MITF: variants seen among roughly 807,000 people sequenced by gnomAD.
MITF encodes melanocyte inducing transcription factor.
MITF carries 17 observed loss-of-function variants against 60.5 expected under a neutral mutation model. That is an observed-to-expected ratio of 0.28 (90% CI 0.19 to 0.42). The LOEUF (loss-of-function observed/expected upper bound fraction) is 0.42. MITF is among the 10% of genes least tolerant of loss of function. MITF has a pLI of 1.00. For synonymous variants in MITF, 260 were observed against 248.5 expected, an observed-to-expected ratio of 1.05 and a Z score of -0.43; for missense variants, 622 against 683.5, an observed-to-expected ratio of 0.91 and a Z score of 1.00.
Position 69,832,948 on chromosome 3 carries a change from G to A in MITF, c.105-46186G>A, listed in dbSNP as rs552391737. Among the ~76,000 whole-genome samples the A allele has an allele frequency of 4.3e-4, 65 of 151,474 alleles. 1 individual carries two copies. The South Asian group carries it at 0.014, about 32-fold the overall frequency. On this transcript the variant is annotated intron_variant, in intron 1 of 9. Coordinates refer to ENST00000352241, the MANE Select transcript of MITF (RefSeq NM_001354604.2). The stretch of plus-strand genomic sequence containing the variant: ...TATATACCTGGTTAGACTGTATGTA[G>A]TTGTTTCTCTGTTTGCACTGTATGT...
At chr3:69,821,624 G>A (rs1529583) in intron 1 of MITF, among the ~76,000 whole-genome samples, 49,015 of 139,028 alleles carry the variant, frequency 0.35, 9,157 homozygotes, top group Non-Finnish European at 0.43. Context: ...AAACTCATAA[G>A]TAGATAACCA....
intron 1 of MITF, among the ~76,000 whole-genome samples, chr3:69,796,652 G>T (rs549930565): frequency 1.3e-5 from 2 of 151,330 alleles, no homozygotes; most frequent in African/African-American, 4.9e-5. Context: ...GACTACAGGC[G>T]CCCGCCACCG....
chr3:69,957,038 G>A (rs773253535), intron 8 of MITF, among the ~76,000 whole-genome samples: 9 of 152,008 alleles, frequency 5.9e-5, no homozygotes, highest in African/African-American at 9.7e-5. Flanking sequence ...CCATTGTAGG[G>A]GAAAAAAAGT....
intron 8 of MITF, among the ~76,000 whole-genome samples, chr3:69,957,409 G>C (rs767957040): frequency 2.0e-5 from 3 of 152,144 alleles, no homozygotes; most frequent in Middle Eastern, 3.2e-3. Flanking sequence ...TCACGTTACT[G>C]TTAGAGGATT....
At chr3:69,950,744 G>T (rs1301489650) in intron 6 of MITF, among the ~76,000 whole-genome samples, 1 of 151,684 alleles carries the variant, frequency 6.6e-6, no homozygotes. Context: ...CTTCTGAAAA[G>T]GAAATAACAG....
intron 1 of MITF, among the ~76,000 whole-genome samples, chr3:69,741,897 G>C (rs936108137): frequency 9.2e-5 from 14 of 152,150 alleles, no homozygotes; most frequent in Non-Finnish European, 1.5e-4. Flanking sequence ...TTATGTTTTT[G>C]CTGGGGCACC....
chr3:69,916,768 T>G (rs1295007882), intron 2 of MITF, among the ~76,000 whole-genome samples: 3 of 152,220 alleles, frequency 2.0e-5, no homozygotes, highest in Non-Finnish European at 4.4e-5. Context: ...AGTTTCGATT[T>G]CATCACGATT....
At chr3:69,774,755 A>T (rs2062447709) in intron 1 of MITF, among the ~76,000 whole-genome samples, 1 of 152,032 alleles carries the variant, frequency 6.6e-6, no homozygotes, top group African/African-American at 2.4e-5. Context: ...GCTGCTGAGG[A>T]AAGTTGCCAT....
chr3:69,872,503 T>C (rs2064261273), intron 1 of MITF, among the ~76,000 whole-genome samples: 2 of 152,228 alleles, frequency 1.3e-5, no homozygotes, highest in Admixed American at 1.3e-4. Flanking sequence ...ACTATACTAT[T>C]ATATAACATG....
Position 69,879,143 on chromosome 3 carries a change from C to T in MITF, c.114C>T (p.Ala38=), listed in dbSNP as rs374097282. 309 of 1,614,180 alleles carry T rather than the reference C, an allele frequency of 1.9e-4. No individual in the cohort carries two copies. Among genetic ancestry groups the T allele is most frequent in the Non-Finnish European group, 2.2e-4 (262 of 1,180,018 alleles). The change falls in exon 2 of 10, where the codon GCC becomes GCT. Residue 38 remains alanine (A), a synonymous_variant. Coordinates refer to ENST00000352241, the MANE Select transcript of MITF (RefSeq NM_001354604.2). ...KSQPLKSSSS[A]EHPGASKPPI... Reference sequence around the variant, plus strand: ...TTTGGTTTTCCCACAGCAGTTCCGCCGAGCATCCTGGGGCCTCCAAGCCTC... The same window carrying T: ...TTTGGTTTTCCCACAGCAGTTCCGCTGAGCATCCTGGGGCCTCCAAGCCTC...
At chr3:69,895,140 G>C (rs965937081) in intron 2 of MITF, among the ~76,000 whole-genome samples, 1 of 152,138 alleles carries the variant, frequency 6.6e-6, no homozygotes. Context: ...TTTGTGATAA[G>C]ATGAAGGTGA....
At chr3:69,919,662 C>T (rs188522581) in intron 2 of MITF, among the ~76,000 whole-genome samples, 112 of 152,232 alleles carry the variant, frequency 7.4e-4, no homozygotes, top group Non-Finnish European at 1.5e-3. Context: ...GCATTTGGCA[C>T]ACTTCTATAA....
At chr3:69,790,977 C>T (rs1281956709) in intron 1 of MITF, among the ~76,000 whole-genome samples, 3 of 152,316 alleles carry the variant, frequency 2.0e-5, no homozygotes, top group Non-Finnish European at 2.9e-5. Context: ...GGATGCTCTG[C>T]GAGCTCCCAC....
At chr3:69,763,651 T>G in intron 1 of MITF, 1 of 1,252,192 alleles carries the variant, frequency 8.0e-7, no homozygotes, top group Non-Finnish European at 1.0e-6. Context: ...CTGAGACGGT[T>G]CAGTGGACTC....
At chr3:69,910,515 C>T (rs2065201566) in intron 2 of MITF, among the ~76,000 whole-genome samples, 2 of 152,204 alleles carry the variant, frequency 1.3e-5, no homozygotes, top group African/African-American at 4.8e-5. Flanking sequence ...ACCTCAGACA[C>T]TCAATGCCAG....
Position 69,949,291 on chromosome 3 carries a change from T to C in MITF, c.880+123T>C, listed in dbSNP as rs1055266231. On this transcript the variant is annotated intron_variant, in intron 6 of 9. Coordinates refer to ENST00000352241, the MANE Select transcript of MITF (RefSeq NM_001354604.2). ...CATGGACGTAACTTTTATAGGTCTC[T>C]GCAGTGGTTAAAACATTATGCAATA... The C allele has an allele frequency of 8.8e-5, 66 of 747,182 alleles. No homozygotes were observed. The African/African-American group carries it at 9.7e-4, about 11-fold the overall frequency. 46.3% of individuals were successfully genotyped at this position (747,182 alleles called of 1,614,324 possible).
intron 2 of MITF, among the ~76,000 whole-genome samples, chr3:69,935,243 A>C (rs2065806679): frequency 6.6e-6 from 1 of 152,210 alleles, no homozygotes; most frequent in Non-Finnish European, 1.5e-5. Flanking sequence ...ACAGTAAAAG[A>C]GCCAAATATA....
chr3:69,739,680 A>G lies in MITF; in HGVS notation c.83A>G (p.Lys28Arg). The G allele has an allele frequency of 6.3e-7, 1 of 1,576,228 alleles. No homozygotes were observed. Among genetic ancestry groups the G allele is most frequent in the Non-Finnish European group, 8.6e-7 (1 of 1,159,042 alleles). ...HEEPKTYYEL[K>R]SQPLKSSSSA... ...GAGCCCAAAACCTATTACGAACTCA[A>G]AAGTCAACCGCTGAAGAGCAGGTGA... Residue 28 changes from lysine (K) to arginine (R), a missense_variant, in exon 1 of 10, where the codon AAA becomes AGA. Transcript: ENST00000352241.
intron 2 of MITF, among the ~76,000 whole-genome samples, chr3:69,886,776 T>C (rs1282469959): frequency 6.6e-6 from 1 of 152,102 alleles, no homozygotes; most frequent in Non-Finnish European, 1.5e-5. Flanking sequence ...ACCCCCGTGG[T>C]AATTTATGCT....
Sources: gnomAD v4.1 joint callset for allele counts (sites outside exome capture counted in the v4.1 genomes callset) on GRCh38, gnomAD v4.1.1 for gene constraint, MANE v1.5 for transcripts, NCBI Gene and HGNC (gene_info 2026-07-23, HGNC 2026-07-21) for gene names.